The following SLC25A13 variants were observed in gnomAD, a reference collection of about 807,000 sequenced individuals.
SLC25A13 encodes electrogenic aspartate/glutamate antiporter SLC25A13, mitochondrial.
A neutral mutation model predicts 85.5 loss-of-function variants in SLC25A13; 70 were observed. The ratio of observed to expected loss-of-function variants is 0.82; its 90% confidence interval spans 0.68 to 1.00. The LOEUF is 1.00. Ranked by LOEUF, SLC25A13 falls within the 50% of genes least tolerant of loss-of-function variation. The pLI, the probability that SLC25A13 is intolerant of heterozygous loss-of-function variation, is 0.00. For synonymous variants in SLC25A13, 259 were observed against 288.7 expected (o/e 0.90, Z 1.04); for missense variants, 765 against 819.8 (o/e 0.93, Z 0.82).
chr7:96,297,879 T>G (rs2116996992), intron 1 of SLC25A13, among the ~76,000 whole-genome samples: 1 of 152,306 alleles, frequency 6.6e-6, no homozygotes. Context: ...AATTGACAGA[T>G]TAGCTCAGAA....
intron 1 of SLC25A13, among the ~76,000 whole-genome samples, chr7:96,298,449 T>C (rs997815025): frequency 6.6e-6 from 1 of 152,264 alleles, no homozygotes; most frequent in Admixed American, 6.5e-5. Context: ...TTTTTTTTCT[T>C]TGAGATGGAG....
intron 2 of SLC25A13, among the ~76,000 whole-genome samples, chr7:96,287,887 G>T (rs1040745118): frequency 2.6e-5 from 4 of 152,192 alleles, no homozygotes; most frequent in Admixed American, 6.5e-5. Context: ...CATTTTGATA[G>T]GATCTTTGGC....
chr7:96,124,661 A>T (rs933322412), intron 15 of SLC25A13, among the ~76,000 whole-genome samples: 4 of 152,124 alleles, frequency 2.6e-5, no homozygotes, highest in African/African-American at 9.7e-5. Context: ...TGTTTTATGA[A>T]ACTTCATATG....
At chr7:96,303,050 A>C (rs762768398) in intron 1 of SLC25A13, among the ~76,000 whole-genome samples, 110 of 152,158 alleles carry the variant, frequency 7.2e-4, no homozygotes, top group Non-Finnish European at 1.4e-3. Flanking sequence ...AGGTCAATCA[A>C]ATGAAAATTT....
intron 2 of SLC25A13, among the ~76,000 whole-genome samples, chr7:96,292,468 T>G (rs932751308): frequency 2.6e-5 from 4 of 152,084 alleles, no homozygotes; most frequent in Admixed American, 2.6e-4. Context: ...GGTATTCAAT[T>G]AGGAAAAGAG....
chr7:96,208,505 CTT>C (rs34151128), intron 5 of SLC25A13, among the ~76,000 whole-genome samples: 38 of 139,674 alleles, frequency 2.7e-4, no homozygotes, highest in African/African-American at 4.3e-4. Flanking sequence ...ACCCTTTTAA[CTT>C]TTTTTTTTTT....
Position 96,296,151 on chromosome 7 carries a change from G to A in SLC25A13, c.69+747C>T, listed in dbSNP as rs529964146. 6.1e-4 allele frequency among the ~76,000 whole-genome samples: 92 copies of A among 151,768 alleles called. No homozygotes were observed. The South Asian group carries it at 0.018, about 29-fold the overall frequency. On this transcript the variant is annotated intron_variant, in intron 2 of 17. Coordinates refer to ENST00000265631, the MANE Select transcript of SLC25A13 (RefSeq NM_014251.3). ...TACTGGAGCCTCCTCTCAGGATACCGCAGTCATCATAAAGTGATGATAATG... is the reference window on the plus strand; with the variant it reads ...TACTGGAGCCTCCTCTCAGGATACCACAGTCATCATAAAGTGATGATAATG...
At chr7:96,262,135 C>T (rs1264589917) in intron 3 of SLC25A13, among the ~76,000 whole-genome samples, 2 of 152,198 alleles carry the variant, frequency 1.3e-5, no homozygotes, top group African/African-American at 4.8e-5. Flanking sequence ...AGCAACTCCA[C>T]ATCCTGTACC....
At chr7:96,151,908 G>A (rs1283407822) in intron 13 of SLC25A13, among the ~76,000 whole-genome samples, 1 of 152,198 alleles carries the variant, frequency 6.6e-6, no homozygotes, top group East Asian at 1.9e-4. Context: ...TTGTGCCACT[G>A]CACTCCAGCC....
intron 3 of SLC25A13, among the ~76,000 whole-genome samples, chr7:96,269,359 C>T (rs1369886828): frequency 6.6e-6 from 1 of 152,176 alleles, no homozygotes; most frequent in East Asian, 1.9e-4. Context: ...ATTTAAATTC[C>T]CTGCCCAGAG....
At chr7:96,253,019 G>A (rs1161858105) in intron 3 of SLC25A13, among the ~76,000 whole-genome samples, 3 of 152,134 alleles carry the variant, frequency 2.0e-5, no homozygotes, top group African/African-American at 4.8e-5. Context: ...GCTTGAACCC[G>A]GGAGGCGGAG....
chr7:96,197,876 G>C (rs988222382), intron 5 of SLC25A13, among the ~76,000 whole-genome samples: 14 of 152,086 alleles, frequency 9.2e-5, no homozygotes, highest in African/African-American at 3.1e-4. Flanking sequence ...AAAAATATTA[G>C]GCTGCCCCTC....
At chr7:96,302,887 A>G (rs539874664) in intron 1 of SLC25A13, among the ~76,000 whole-genome samples, 1 of 152,346 alleles carries the variant, frequency 6.6e-6, no homozygotes, top group South Asian at 2.1e-4. Flanking sequence ...CAAGCCCTCC[A>G]GGTGACCCTG....
intron 14 of SLC25A13, among the ~76,000 whole-genome samples, chr7:96,142,789 C>A (rs1297473516): frequency 6.6e-6 from 1 of 152,076 alleles, no homozygotes; most frequent in Non-Finnish European, 1.5e-5. Context: ...CTAAAAAAAT[C>A]AATCTCTCTT....
chr7:96,146,613 A>G lies in SLC25A13; in HGVS notation c.1395T>C (p.Gly465=). The change falls in exon 14 of 18, where the codon GGT becomes GGC. Residue 465 remains glycine, a synonymous_variant. Transcript: ENST00000265631. The part of the protein sequence containing the change: ...RLQVAGEITT[G]PRVSALSVVR... ...CGACAGACAGAGCACTGACTCGAGG[A>G]CCAGTGGTGATTTCTCCTGCCACTT... is the stretch of plus-strand genomic sequence containing the variant. The G allele has an allele frequency of 6.2e-7, 1 of 1,614,044 alleles. No homozygotes were observed. Among genetic ancestry groups the G allele is most frequent in the Non-Finnish European group, 8.5e-7 (1 of 1,180,012 alleles).
intron 5 of SLC25A13, among the ~76,000 whole-genome samples, chr7:96,197,536 C>T (rs1013924325): frequency 2.0e-5 from 3 of 152,114 alleles, no homozygotes; most frequent in Non-Finnish European, 2.9e-5. Flanking sequence ...AATGTGTGGT[C>T]TTTGAAATAA....
chr7:96,146,770 T>A, intron 13 of SLC25A13, 74 bp from the exon 14 acceptor site: 4 of 1,504,626 alleles, frequency 2.7e-6, no homozygotes, highest in Non-Finnish European at 3.7e-6. Context: ...TGAATGATTA[T>A]TCTCAAGGAT....
chr7:96,130,141 G>A (rs1791961011), intron 15 of SLC25A13, among the ~76,000 whole-genome samples: 1 of 152,022 alleles, frequency 6.6e-6, no homozygotes, highest in Non-Finnish European at 1.5e-5. Context: ...TATAGCTCTG[G>A]TAGAATGGAT....
At chr7:96,287,171 T>C (rs1798923498) in intron 2 of SLC25A13, among the ~76,000 whole-genome samples, 1 of 152,160 alleles carries the variant, frequency 6.6e-6, no homozygotes, top group Admixed American at 6.5e-5. Flanking sequence ...CACAATACCA[T>C]CTGTGATAAA....
Sources: allele counts gnomAD v4.1 joint callset (sites outside exome capture counted in the v4.1 genomes callset), GRCh38; gene constraint gnomAD v4.1.1; transcripts MANE v1.5; gene names NCBI Gene and HGNC (gene_info 2026-07-23, HGNC 2026-07-21).